The following ASZ1 variants were observed in gnomAD, a reference collection of about 807,000 sequenced individuals.
ASZ1 encodes the protein ankyrin repeat, SAM and basic leucine zipper domain containing 1, also known as ankyrin repeat, SAM and basic leucine zipper domain-containing protein 1.
ASZ1 carries 67 observed loss-of-function variants against 61.8 expected under a neutral mutation model. The observed-to-expected ratio is 1.08, with a 90% confidence interval of 0.89 to 1.33. The LOEUF is 1.33. Ranked by LOEUF, ASZ1 falls within the 40% of genes most tolerant of loss-of-function variation. The probability of loss-of-function intolerance (pLI) is 0.00; values close to 1 mark genes in which losing one functional copy is unlikely to be tolerated. For missense variants in ASZ1, 577 were observed against 554.5 expected, an observed-to-expected ratio of 1.04 and a Z score of -0.41; for synonymous variants, 193 against 192.7, an observed-to-expected ratio of 1.00 and a Z score of -0.01.
chr7:117,366,993 A>G (rs1378969446), intron 12 of ASZ1, among the ~76,000 whole-genome samples: 1 of 152,224 alleles, frequency 6.6e-6, no homozygotes, highest in East Asian at 1.9e-4. Context: ...ATAAAATACT[A>G]TCAAAAGATA....
intron 9 of ASZ1, among the ~76,000 whole-genome samples, chr7:117,380,532 A>T (rs1796229736): frequency 1.3e-5 from 2 of 151,760 alleles, no homozygotes; most frequent in South Asian, 4.1e-4. Flanking sequence ...GTGGTCATGC[A>T]GTCAGATCAT....
chr7:117,404,227 T>A (rs948481984), intron 4 of ASZ1, among the ~76,000 whole-genome samples: 2 of 152,038 alleles, frequency 1.3e-5, no homozygotes, highest in Non-Finnish European at 2.9e-5. Context: ...GCCTGCCATC[T>A]CTCTGTGGGA....
At chr7:117,414,586 A>AACC (rs1396625516) in intron 4 of ASZ1, among the ~76,000 whole-genome samples, 2 of 152,098 alleles carry the variant, frequency 1.3e-5, no homozygotes, top group Non-Finnish European at 2.9e-5. Context: ...TGCACCCATA[A>AACC]ACCCGTCACC....
intron 12 of ASZ1, among the ~76,000 whole-genome samples, chr7:117,365,798 A>G (rs1795925922): frequency 6.6e-6 from 1 of 152,230 alleles, no homozygotes; most frequent in Admixed American, 6.5e-5. Context: ...TGTTTGTTGA[A>G]TGAATAAATG....
At chr7:117,418,402 C>T (rs1397157824) in intron 4 of ASZ1, among the ~76,000 whole-genome samples, 1 of 152,122 alleles carries the variant, frequency 6.6e-6, no homozygotes, top group Non-Finnish European at 1.5e-5. Flanking sequence ...TGCCTGTAAT[C>T]CTAGCACTTT....
chr7:117,391,275 G>C (rs113743729), intron 4 of ASZ1, among the ~76,000 whole-genome samples: 2 of 152,200 alleles, frequency 1.3e-5, no homozygotes, highest in African/African-American at 4.8e-5. Context: ...TCTGCTGATA[G>C]TTTCTTTTGC....
chr7:117,393,812 T>C (rs1192449366), intron 4 of ASZ1, among the ~76,000 whole-genome samples: 1 of 152,196 alleles, frequency 6.6e-6, no homozygotes, highest in Admixed American at 6.5e-5. Context: ...TCCTTGGACA[T>C]AGAATCACCT....
chr7:117,368,210 A>T, intron 11 of ASZ1: 1 of 949,690 alleles, frequency 1.1e-6, no homozygotes, highest in Non-Finnish European at 1.3e-6. Flanking sequence ...TACGGATGTG[A>T]GCCACTATGC....
intron 10 of ASZ1, among the ~76,000 whole-genome samples, chr7:117,369,794 AAAAGAAAAC>A (rs1796014608): frequency 6.6e-6 from 1 of 152,208 alleles, no homozygotes; most frequent in Non-Finnish European, 1.5e-5. Context: ...ACAGTGGGAT[AAAAGAAAAC>A]ATTATGGCAT....
At chr7:117,373,569 G>T (rs989617989) in intron 10 of ASZ1, among the ~76,000 whole-genome samples, 6 of 152,124 alleles carry the variant, frequency 3.9e-5, no homozygotes, top group Non-Finnish European at 8.8e-5. Context: ...CCTGCTGTTA[G>T]TTTTCTTATG....
At chr7:117,392,187 A>C (rs1323592075) in intron 4 of ASZ1, among the ~76,000 whole-genome samples, 1 of 152,222 alleles carries the variant, frequency 6.6e-6, no homozygotes, top group African/African-American at 2.4e-5. Flanking sequence ...TGCTTTGGGC[A>C]GTACAGATAT....
intron 4 of ASZ1, among the ~76,000 whole-genome samples, chr7:117,405,692 T>G (rs534916903): frequency 6.6e-6 from 1 of 152,184 alleles, no homozygotes. Context: ...CCTAGCTGGA[T>G]TGCCAATTGT....
Position 117,363,578 on chromosome 7 carries a change from T to C in ASZ1, c.*18A>G. 1 of 1,580,214 alleles carries C rather than the reference T, an allele frequency of 6.3e-7. No individual in the cohort carries two copies. The highest frequency in any genetic ancestry group is 8.6e-7 in the Non-Finnish European group (1 of 1,163,762). Reference sequence around the variant, plus strand: ...GTTCAATAAGATGTGTATATATAACTTAAAACAAATATTTGGATTATTTCC... The same window carrying C: ...GTTCAATAAGATGTGTATATATAACCTAAAACAAATATTTGGATTATTTCC... On this transcript the variant is annotated 3_prime_UTR_variant, in exon 13 of 13. Coordinates refer to ENST00000284629, the MANE Select transcript of ASZ1 (RefSeq NM_130768.3).
chr7:117,409,302 G>C (rs1255927367), intron 4 of ASZ1, among the ~76,000 whole-genome samples: 1 of 151,764 alleles, frequency 6.6e-6, no homozygotes, highest in Non-Finnish European at 1.5e-5. Flanking sequence ...GCTCTAATAA[G>C]AACAGGTAAA....
chr7:117,383,290 T>G (rs540626665), intron 6 of ASZ1, among the ~76,000 whole-genome samples, 180 bp from the exon 7 acceptor site: 1 of 152,152 alleles, frequency 6.6e-6, no homozygotes, highest in African/African-American at 2.4e-5. Flanking sequence ...ATATCACAGT[T>G]GTATATATTT....
At chr7:117,375,071 T>C (rs4285411) in intron 10 of ASZ1, among the ~76,000 whole-genome samples, 39,689 of 151,826 alleles carry the variant, frequency 0.26, 5,446 homozygotes, top group Non-Finnish European at 0.28. Flanking sequence ...AAGAATTTCA[T>C]AGGCTGGTTA....
intron 10 of ASZ1, among the ~76,000 whole-genome samples, chr7:117,375,715 G>A (rs1796124708): frequency 1.3e-5 from 2 of 151,908 alleles, no homozygotes; most frequent in Non-Finnish European, 2.9e-5. Context: ...TACACCATGG[G>A]TTATTTAGAT....
At chr7:117,424,169 A>G (rs1248173641) in intron 2 of ASZ1, among the ~76,000 whole-genome samples, 1 of 152,192 alleles carries the variant, frequency 6.6e-6, no homozygotes, top group Non-Finnish European at 1.5e-5. Flanking sequence ...AATGTCTAAA[A>G]TATGTCATAC....
chr7:117,427,036 T>C, intron 1 of ASZ1, 101 bp from the exon 2 acceptor site: 1 of 1,218,996 alleles, frequency 8.2e-7, no homozygotes, highest in Non-Finnish European at 1.1e-6. Flanking sequence ...GTTTTTTTTC[T>C]TGGCTTTATT....
Sources: allele counts gnomAD v4.1 joint callset (sites outside exome capture counted in the v4.1 genomes callset), GRCh38; gene constraint gnomAD v4.1.1; transcripts MANE v1.5; gene names NCBI Gene and HGNC (gene_info 2026-07-23, HGNC 2026-07-21).